Variants in TRAF3IP1 observed in about 807,000 individuals in gnomAD.
The protein encoded by TRAF3IP1 is TRAF3-interacting protein 1.
In TRAF3IP1, 53 loss-of-function variants were observed where a neutral mutation model predicts 89.9. The ratio of observed to expected loss-of-function variants is 0.59; its 90% CI spans 0.47 to 0.74. The LOEUF is 0.74. TRAF3IP1 is among the 30% of genes least tolerant of loss of function. The pLI, the probability that TRAF3IP1 is intolerant of heterozygous loss-of-function variation, is 0.00. For missense variants in TRAF3IP1, 806 were observed against 866.1 expected (o/e 0.93, Z 0.87); for synonymous variants, 311 against 322.1 (o/e 0.97, Z 0.37).
At chr2:238,349,734 G>A (rs1378438148) in intron 12 of TRAF3IP1, among the ~76,000 whole-genome samples, 3 of 152,200 alleles carry the variant, frequency 2.0e-5, no homozygotes, top group Non-Finnish European at 4.4e-5. Flanking sequence ...AAAAAAATTA[G>A]GGGCTTAATT....
intron 15 of TRAF3IP1, among the ~76,000 whole-genome samples, chr2:238,357,149 A>G (rs1055578045): frequency 1.1e-4 from 17 of 149,546 alleles, no homozygotes; most frequent in Admixed American, 9.9e-4. Flanking sequence ...TCCCTCACAC[A>G]TGTGTGATGT....
At chr2:238,336,178 A>G (rs1292455858) in intron 7 of TRAF3IP1, among the ~76,000 whole-genome samples, 1 of 152,004 alleles carries the variant, frequency 6.6e-6, no homozygotes, top group Non-Finnish European at 1.5e-5. Context: ...CTTCTTTTCT[A>G]ATTGCTTCTG....
intron 15 of TRAF3IP1, among the ~76,000 whole-genome samples, chr2:238,382,610 G>A (rs923970009): frequency 2.6e-5 from 4 of 151,972 alleles, no homozygotes; most frequent in South Asian, 4.2e-4. Flanking sequence ...TCCTGGGAGC[G>A]GCACGTCTTC....
At chr2:238,348,647 C>T (rs1183398230) in intron 10 of TRAF3IP1, 117 bp from the exon 11 acceptor site, 11 of 841,104 alleles carry the variant, frequency 1.3e-5, no homozygotes, top group South Asian at 1.0e-4. Flanking sequence ...TTTGTATTTG[C>T]AATTACAAAT....
chr2:238,323,644 C>G (rs1179286415), intron 1 of TRAF3IP1, among the ~76,000 whole-genome samples: 1 of 152,160 alleles, frequency 6.6e-6, no homozygotes, highest in Non-Finnish European at 1.5e-5. Flanking sequence ...TAAAACATGT[C>G]TTCCCGTAAT....
intron 8 of TRAF3IP1, among the ~76,000 whole-genome samples, chr2:238,342,718 C>G (rs1303275408): frequency 6.6e-6 from 1 of 151,960 alleles, no homozygotes. Flanking sequence ...CTTAATATTT[C>G]ATGTTTATTC....
Position 238,351,943 on chromosome 2 carries a change from A to G in TRAF3IP1, c.1452-884A>G, listed in dbSNP as rs1212011523. Among the ~76,000 whole-genome samples, 1 of 151,818 alleles carries G rather than the reference A, an allele frequency of 6.6e-6. No homozygotes were observed. Among genetic ancestry groups the G allele is most frequent in the East Asian group, 1.9e-4 (1 of 5,160 alleles). On this transcript the variant is annotated intron_variant, in intron 12 of 16. Coordinates refer to ENST00000373327, the MANE Select transcript of TRAF3IP1 (RefSeq NM_015650.4). The surrounding 1 kb of genome is among the most constrained non-coding windows in gnomAD (Gnocchi z 5.2). The stretch of plus-strand genomic sequence containing the variant: ...TGTGTGTGTGTATGCATGTGCACGC[A>G]TGCAGCACTGCGATAACGGGGCAGG...
chr2:238,347,455 G>A lies in TRAF3IP1; in HGVS notation c.1262G>A (p.Gly421Asp), dbSNP rs1335991702. ...IQPNPTEKQK[G>D]DSTSDAEGDA... ...ATTTTCTGATGTGCTTTTTCTTTAG[G>A]TGACTCCACCAGTGATGCAGGTGAG... is the stretch of plus-strand genomic sequence containing the variant. The change falls in exon 10 of 17, where the codon GGT becomes GAT. Residue 421 changes from glycine (G) to aspartate (D), a missense_variant and splice_region_variant. Around this residue, in one of 3 missense-constraint regions of TRAF3IP1, gnomAD observed 732 missense variants for 780.5 expected, o/e 0.94. Coordinates refer to ENST00000373327, the MANE Select transcript of TRAF3IP1 (RefSeq NM_015650.4). 1 of 1,613,818 alleles carries A rather than the reference G, an allele frequency of 6.2e-7. No homozygotes were observed. The highest frequency in any genetic ancestry group is 1.7e-5 in the Admixed American group (1 of 59,986).
intron 15 of TRAF3IP1, among the ~76,000 whole-genome samples, chr2:238,367,058 G>A (rs1699907444): frequency 6.6e-6 from 1 of 150,878 alleles, no homozygotes; most frequent in South Asian, 2.1e-4. Context: ...CAGCTACTCA[G>A]GAGGCTGAGG....
At chr2:238,384,979 A>C (rs1428806559) in intron 15 of TRAF3IP1, among the ~76,000 whole-genome samples, 1 of 152,132 alleles carries the variant, frequency 6.6e-6, no homozygotes, top group Non-Finnish European at 1.5e-5. Flanking sequence ...ATTTCAGTTA[A>C]GAAATTCAAG....
At chr2:238,392,239 A>G (rs1701024098) in intron 15 of TRAF3IP1, among the ~76,000 whole-genome samples, 1 of 152,150 alleles carries the variant, frequency 6.6e-6, no homozygotes, top group South Asian at 2.1e-4. Context: ...ATAGAGATAT[A>G]CTGTATGCCT....
intron 6 of TRAF3IP1, among the ~76,000 whole-genome samples, chr2:238,333,196 G>T (rs1176443160): frequency 6.6e-6 from 1 of 152,174 alleles, no homozygotes; most frequent in Non-Finnish European, 1.5e-5. Context: ...GAAGGGGGAG[G>T]TGGCACTCAG....
intron 3 of TRAF3IP1, among the ~76,000 whole-genome samples, chr2:238,327,564 C>A (rs973945464): frequency 7.9e-5 from 12 of 151,996 alleles, no homozygotes; most frequent in Non-Finnish European, 1.8e-4. Context: ...GGTTTTTTAC[C>A]CATAATTTTA....
At chr2:238,342,616 A>G (rs1186125057) in intron 8 of TRAF3IP1, among the ~76,000 whole-genome samples, 1 of 152,242 alleles carries the variant, frequency 6.6e-6, no homozygotes. Flanking sequence ...AATCAAGTAC[A>G]CAACTTAAAA....
intron 15 of TRAF3IP1, among the ~76,000 whole-genome samples, chr2:238,377,414 C>A (rs532439171): frequency 1.8e-4 from 27 of 151,688 alleles, no homozygotes; most frequent in African/African-American, 5.8e-4. Flanking sequence ...GGTTCCCCCC[C>A]CACTGTGGGG....
Position 238,344,550 on chromosome 2 carries a change from A to G in TRAF3IP1, c.1213A>G (p.Ser405Gly), listed in dbSNP as rs543848897. The change falls in exon 9 of 17, where the codon AGT becomes GGT. Residue 405 changes from serine to glycine, a missense_variant. By Grantham distance (56) the Ser-to-Gly change is moderately conservative. Coordinates refer to ENST00000373327, the MANE Select transcript of TRAF3IP1 (RefSeq NM_015650.4). ...TAGTATTTCAGATGATAATTCAGCT[A>G]GTCTGCGGTGTGAGAATATTCAGCC... ...STSISDDNSA[S>G]LRCENIQPNP... is the part of the protein sequence containing the mutation. The G allele has an allele frequency of 1.5e-5, 25 of 1,614,234 alleles. No homozygotes were observed. The South Asian group carries it at 2.5e-4, about 16-fold the overall frequency.
At chr2:238,353,476 T>C (rs1268823320) in intron 14 of TRAF3IP1, among the ~76,000 whole-genome samples, 1 of 152,186 alleles carries the variant, frequency 6.6e-6, no homozygotes, top group African/African-American at 2.4e-5. Flanking sequence ...GCAGATGACA[T>C]CTCGTCTCTT....
rs190103625 is a variant in TRAF3IP1, at chr2:238,320,853, C to T, written c.123+68C>T. ...TCCGGTGGGCGCCGAGGTCAGGGCCCGGGCCGGGTGGCGCCGGGTGCGAGC... is the reference window on the plus strand; with the variant it reads ...TCCGGTGGGCGCCGAGGTCAGGGCCTGGGCCGGGTGGCGCCGGGTGCGAGC... On this transcript the variant is annotated intron_variant, in intron 1 of 16. Transcript: ENST00000373327. 29 of 1,227,436 alleles carry T rather than the reference C, an allele frequency of 2.4e-5. No individual in the cohort carries two copies. In the East Asian group the frequency reaches 9.6e-4, roughly 41 times the overall value. The allele number at this position is 1,227,436 out of a possible 1,614,324, so 76.0% of individuals were successfully genotyped here.
intron 3 of TRAF3IP1, among the ~76,000 whole-genome samples, chr2:238,327,469 G>A (rs1342520185): frequency 6.6e-6 from 1 of 152,232 alleles, no homozygotes; most frequent in East Asian, 1.9e-4. Flanking sequence ...TGGGACTCCT[G>A]ACTGAGGTGT....
Sources: gnomAD v4.1 joint callset for allele counts (sites outside exome capture counted in the v4.1 genomes callset) on GRCh38, gnomAD v4.1.1 for gene constraint, gnomAD v4.1.1 regional missense constraint, Gnocchi (gnomAD v3.1) non-coding constraint, MANE v1.5 for transcripts, NCBI Gene and HGNC (gene_info 2026-07-23, HGNC 2026-07-21) for gene names.